SCARA5: variants seen among roughly 807,000 people sequenced by gnomAD.
SCARA5 encodes scavenger receptor class A member 5, also known as scavenger receptor class A, member 5 (putative).
Under a neutral mutation model 46.3 loss-of-function variants are expected in SCARA5, and 45 were observed. That is an observed-to-expected ratio of 0.97 (90% CI 0.76 to 1.24). The LOEUF (loss-of-function observed/expected upper bound fraction) is 1.24. Among genes scored for constraint, SCARA5 ranks in the 50% most tolerant of loss-of-function variants. SCARA5 has a pLI of 0.00. For missense variants in SCARA5, 680 were observed against 689.0 expected, an observed-to-expected ratio of 0.99 and a Z score of 0.15; for synonymous variants, 333 against 306.5, an observed-to-expected ratio of 1.09 and a Z score of -0.90.
Position 27,954,559 on chromosome 8 carries a change from T to C in SCARA5, c.241+11855A>G, listed in dbSNP as rs146127654. Among the ~76,000 whole-genome samples the C allele has an allele frequency of 2.8e-3, 420 of 152,346 alleles. 3 individuals are homozygous for C. Among genetic ancestry groups the C allele is most frequent in the Non-Finnish European group, 4.5e-3 (304 of 68,032 alleles). ...AGTTACATTTGAAATGGCTGCATAA[T>C]ACTCCTTTGTGTTAACTGTCTTTTA... On this transcript the variant is annotated intron_variant, in intron 3 of 8. Coordinates refer to ENST00000354914, the MANE Select transcript of SCARA5 (RefSeq NM_173833.6).
Position 27,921,722 on chromosome 8 carries a change from G to C in SCARA5, c.765C>G (p.Ala255=). 1 of 1,594,332 alleles carries C rather than the reference G, an allele frequency of 6.3e-7. No individual in the cohort carries two copies. The highest frequency in any genetic ancestry group is 8.5e-7 in the Non-Finnish European group (1 of 1,172,134). Residue 255 remains alanine, a synonymous_variant, in exon 4 of 9, where the codon GCC becomes GCG. Transcript: ENST00000354914. ...GGCGCAGGCGGCGCGTGTCCTCGCT[G>C]GCGTTGCTCACCAGCACCCGCAGGT... ...LQDLRVLVSN[A]SEDTRRLRLA...
At chr8:27,947,457 C>T (rs77279731) in intron 3 of SCARA5, among the ~76,000 whole-genome samples, 3,897 of 147,304 alleles carry the variant, frequency 0.026, 145 homozygotes, top group African/African-American at 0.089. Context: ...TCACAGCAGC[C>T]GAAAGATGGG....
intron 3 of SCARA5, 117 bp from the exon 4 acceptor site, chr8:27,922,362 A>C: frequency 1.6e-6 from 1 of 626,622 alleles, no homozygotes. Flanking sequence ...TGATAGACGA[A>C]TAAAATCACA....
chr8:27,902,739 A>C (rs911534893), intron 7 of SCARA5, among the ~76,000 whole-genome samples: 2 of 152,106 alleles, frequency 1.3e-5, no homozygotes, highest in Non-Finnish European at 2.9e-5. Context: ...AGCAGGGAAA[A>C]ACAGCACCCC....
intron 3 of SCARA5, among the ~76,000 whole-genome samples, chr8:27,949,719 G>A (rs1322696893): frequency 6.6e-6 from 1 of 152,196 alleles, no homozygotes; most frequent in Non-Finnish European, 1.5e-5. Context: ...TCACGCCCAC[G>A]GTACCCGGAG....
Position 27,904,828 on chromosome 8 carries a change from C to T in SCARA5, c.1103G>A (p.Arg368Gln), listed in dbSNP as rs755567684. 21 of 1,609,018 alleles carry T rather than the reference C, an allele frequency of 1.3e-5. No individual in the cohort carries two copies. Among genetic ancestry groups the T allele is most frequent in the Middle Eastern group, 1.6e-4 (1 of 6,076 alleles). The change falls in exon 7 of 9, where the codon CGA (arginine) becomes CAA (glutamine). Residue 368 changes from arginine to glutamine, a missense_variant. By Grantham distance (43) the Arg-to-Gln change is conservative. This residue lies in a region of SCARA5 where 219 missense variants were observed against 269.5 expected (regional missense o/e 0.81). Coordinates refer to ENST00000354914, the MANE Select transcript of SCARA5 (RefSeq NM_173833.6). ...CTCTCCTTTCTCTCCTTTTGGGCCT[C>T]GGTCACCTAAAACAGAGGAGGAAAC... The part of the protein sequence containing the change: ...PMGMRGFKGD[R>Q]GPKGEKGEKG...
Position 27,928,232 on chromosome 8 carries a change from A to C in SCARA5, c.242-5987T>G, listed in dbSNP as rs1385956683. Among the ~76,000 whole-genome samples the C allele has an allele frequency of 4.6e-5, 7 of 151,852 alleles. No homozygotes were observed. In the South Asian group the frequency reaches 8.3e-4, roughly 18 times the overall value. On this transcript the variant is annotated intron_variant, in intron 3 of 8. Coordinates refer to ENST00000354914, the MANE Select transcript of SCARA5 (RefSeq NM_173833.6). Reference sequence around the variant, plus strand: ...AGGGAATAATTCTTAGTTGAGTGTGACTCTCTTAATTCATGTTTATGCAAA... The same window carrying C: ...AGGGAATAATTCTTAGTTGAGTGTGCCTCTCTTAATTCATGTTTATGCAAA...
chr8:27,982,614 C>A (rs59603907), intron 2 of SCARA5, among the ~76,000 whole-genome samples: 3,382 of 152,266 alleles, frequency 0.022, 119 homozygotes, highest in African/African-American at 0.077. Flanking sequence ...CAACAGTGGG[C>A]CCCGAGGAGG....
At chr8:27,900,438 C>T (rs550389105) in intron 7 of SCARA5, among the ~76,000 whole-genome samples, 11 of 152,326 alleles carry the variant, frequency 7.2e-5, no homozygotes, top group Non-Finnish European at 1.2e-4. Context: ...GGGGTGCCCA[C>T]AGCTCCCCTC....
At chr8:27,977,285 T>C (rs1808540211) in intron 2 of SCARA5, among the ~76,000 whole-genome samples, 1 of 152,044 alleles carries the variant, frequency 6.6e-6, no homozygotes, top group South Asian at 2.1e-4. Context: ...ACACAAACAT[T>C]CAGTCCATTG....
chr8:27,917,974 C>G (rs1283167020), intron 4 of SCARA5, among the ~76,000 whole-genome samples: 1 of 152,196 alleles, frequency 6.6e-6, no homozygotes, highest in Non-Finnish European at 1.5e-5. Context: ...GGGGAAGCCT[C>G]TGATCGTCCA....
chr8:27,980,018 C>T (rs1185882518), intron 2 of SCARA5, among the ~76,000 whole-genome samples: 1 of 152,136 alleles, frequency 6.6e-6, no homozygotes, highest in African/African-American at 2.4e-5. Context: ...CACTGAGTCA[C>T]ATTTAGGTAA....
chr8:27,906,548 T>C (rs964157160), intron 6 of SCARA5, among the ~76,000 whole-genome samples: 1 of 152,224 alleles, frequency 6.6e-6, no homozygotes, highest in Admixed American at 6.5e-5. Flanking sequence ...GCAGGCCCCT[T>C]GTTGGCTTTC....
In SCARA5 at chr8:27,888,217, G is replaced by C. The variant is rs138826202; in HGVS notation, c.1154-8451C>G. On this transcript the variant is annotated intron_variant, in intron 7 of 8. Transcript: ENST00000354914. Reference sequence around the variant, plus strand: ...GGGACTACAGGGTGCATGCTGCCATGCCCAGCTAATGATTGTGTTTATTCT... The same window carrying C: ...GGGACTACAGGGTGCATGCTGCCATCCCCAGCTAATGATTGTGTTTATTCT... 3.0e-3 allele frequency among the ~76,000 whole-genome samples: 458 copies of C among 152,244 alleles called. 3 individuals are homozygous for C. Among genetic ancestry groups the C allele is most frequent in the African/African-American group, 0.011 (446 of 41,536 alleles).
intron 2 of SCARA5, among the ~76,000 whole-genome samples, chr8:27,982,596 C>A (rs1406339635): frequency 6.6e-6 from 1 of 152,140 alleles, no homozygotes; most frequent in East Asian, 1.9e-4. Flanking sequence ...GAGGATGGGG[C>A]CTTCCATCAA....
intron 7 of SCARA5, among the ~76,000 whole-genome samples, chr8:27,897,465 T>C (rs944608381): frequency 6.6e-6 from 1 of 152,256 alleles, no homozygotes; most frequent in Non-Finnish European, 1.5e-5. Flanking sequence ...ACATCAAAGA[T>C]CCCAGCGTCA....
At chr8:27,884,653 C>T (rs75550661) in intron 7 of SCARA5, among the ~76,000 whole-genome samples, 5,072 of 152,302 alleles carry the variant, frequency 0.033, 133 homozygotes, top group South Asian at 0.052. Flanking sequence ...CCAAGGTAGA[C>T]GGTCGGAGAC....
chr8:27,909,404 G>C (rs909130862), intron 5 of SCARA5, among the ~76,000 whole-genome samples: 1 of 152,140 alleles, frequency 6.6e-6, no homozygotes, highest in African/African-American at 2.4e-5. Flanking sequence ...CTGGCTCCTG[G>C]GCTGGGAAGG....
Position 27,880,857 on chromosome 8 carries a change from G to GAAAAAA in SCARA5, c.1154-1097_1154-1092dup, listed in dbSNP as rs71222524. ...ATGACAAAGCAAGACCCTGTCTAAG[G>GAAAAAA]AAAAAAAAAAAAAAAAAAAGTGGGC... On this transcript the variant is annotated intron_variant, in intron 7 of 8. Transcript: ENST00000354914. 2.9e-3 allele frequency among the ~76,000 whole-genome samples: 275 copies of GAAAAAA among 94,718 alleles called. 13 individuals are homozygous for GAAAAAA. Among genetic ancestry groups the GAAAAAA allele is most frequent in the Non-Finnish European group, 2.5e-3 (133 of 52,664 alleles). 62.1% of individuals were successfully genotyped at this position (94,718 alleles called of 152,430 possible).
Sources: allele counts gnomAD v4.1 joint callset (sites outside exome capture counted in the v4.1 genomes callset), GRCh38; gene constraint gnomAD v4.1.1; regional missense constraint gnomAD v4.1.1; transcripts MANE v1.5; gene names NCBI Gene and HGNC (gene_info 2026-07-23, HGNC 2026-07-21).